TTL: variants seen among roughly 807,000 people sequenced by gnomAD.
TTL encodes tubulin--tyrosine ligase.
In TTL, 10 loss-of-function variants were observed where a neutral mutation model predicts 41.1. The observed-to-expected ratio is 0.24, with a 90% CI of 0.15 to 0.41. The LOEUF (loss-of-function observed/expected upper bound fraction) is 0.41, where lower values mean the gene tolerates loss of function less well. Among genes scored for constraint, TTL ranks in the 10% least tolerant of loss-of-function variants. The probability of loss-of-function intolerance (pLI) is 1.00; values close to 1 mark genes in which losing one functional copy is unlikely to be tolerated. For missense variants in TTL, 367 were observed against 460.4 expected (o/e 0.80, Z 1.86); for synonymous variants, 175 against 175.5 (o/e 1.00, Z 0.02).
At chr2:112,488,361 A>G (rs1681296110) in intron 2 of TTL, among the ~76,000 whole-genome samples, 1 of 152,258 alleles carries the variant, frequency 6.6e-6, no homozygotes, top group Non-Finnish European at 1.5e-5. Context: ...GAGGGCTTCC[A>G]AACCAAGGTC....
intron 1 of TTL, chr2:112,483,480 C>T (rs749608278): frequency 1.3e-5 from 2 of 152,214 alleles, no homozygotes; most frequent in African/African-American, 2.4e-5. Flanking sequence ...CAATTGTATT[C>T]CAAAGACAAG....
chr2:112,512,693 G>A (rs569720729), intron 5 of TTL, among the ~76,000 whole-genome samples: 37 of 152,242 alleles, frequency 2.4e-4, no homozygotes, highest in African/African-American at 8.2e-4. Flanking sequence ...CATCTCGCCC[G>A]GCCCTGTATT....
chr2:112,487,669 G>A (rs866815845), intron 2 of TTL, among the ~76,000 whole-genome samples: 1 of 152,170 alleles, frequency 6.6e-6, no homozygotes, highest in Non-Finnish European at 1.5e-5. Flanking sequence ...GATGGATGGT[G>A]GTGACAGTAC....
At chr2:112,526,004 G>T (rs1407529920) in intron 6 of TTL, among the ~76,000 whole-genome samples, 2 of 152,010 alleles carry the variant, frequency 1.3e-5, no homozygotes, top group Non-Finnish European at 1.5e-5. Flanking sequence ...GAAGGTTGTT[G>T]AATTTTGTCA....
chr2:112,504,052 G>T, intron 5 of TTL, among the ~76,000 whole-genome samples: 1 of 64,694 alleles, frequency 1.5e-5, no homozygotes, highest in African/African-American at 5.7e-5. Context: ...CTATGAGTGA[G>T]AATATGCGGT....
In TTL at chr2:112,531,951, A is replaced by G. The variant is rs980385293; in HGVS notation, c.*3156A>G. 11 of 225,552 alleles carry G rather than the reference A, an allele frequency of 4.9e-5. No homozygotes were observed. The highest frequency in any genetic ancestry group is 2.4e-4 in the African/African-American group (11 of 44,900). 14.0% of individuals were successfully genotyped at this position (225,552 alleles called of 1,614,324 possible). ...TTGAAAGTCCCTTTCCCCAAAACTC[A>G]ACTCCTATGGCAATTATGAACTCCA... On this transcript the variant is annotated 3_prime_UTR_variant, in exon 7 of 7. Transcript: ENST00000233336.
At chr2:112,510,461 T>C (rs1025208470) in intron 5 of TTL, among the ~76,000 whole-genome samples, 4 of 152,086 alleles carry the variant, frequency 2.6e-5, no homozygotes, top group Admixed American at 6.6e-5. Flanking sequence ...GTTTAAATAA[T>C]TGATTTGAGA....
In TTL at chr2:112,531,820, C is replaced by T; in HGVS notation, c.*3025C>T. The T allele has an allele frequency of 4.5e-6, 1 of 223,136 alleles. No homozygotes were observed. The highest frequency in any genetic ancestry group is 6.5e-5 in the East Asian group (1 of 15,276). The allele number at this position is 223,136 out of a possible 1,614,324, so 13.8% of individuals were successfully genotyped here. A position where few individuals can be genotyped will look rare whatever the true frequency, so the allele number is the denominator to read the frequency against. ...TGCTTGTCATAGCAGCATTTGGAAA[C>T]TCAAACATGCTTTCATTTACATAAA... On this transcript the variant is annotated 3_prime_UTR_variant, in exon 7 of 7. Coordinates refer to ENST00000233336, the MANE Select transcript of TTL (RefSeq NM_153712.5).
At chr2:112,491,186 T>A (rs1472714173) in intron 2 of TTL, among the ~76,000 whole-genome samples, 1 of 151,814 alleles carries the variant, frequency 6.6e-6, no homozygotes, top group African/African-American at 2.4e-5. Flanking sequence ...AGAGATAGGG[T>A]TTCACCGCGT....
chr2:112,529,185 C>T lies in TTL; in HGVS notation c.*390C>T, dbSNP rs935962994. Reference sequence around the variant, plus strand: ...CCACTGCTCTGGACTATGGATTGGACGTCAGAGCATATTGGAGGTTGCCTG... The same window carrying T: ...CCACTGCTCTGGACTATGGATTGGATGTCAGAGCATATTGGAGGTTGCCTG... On this transcript the variant is annotated 3_prime_UTR_variant, in exon 7 of 7. Transcript: ENST00000233336. 1.9e-5 allele frequency: 6 copies of T among 318,924 alleles called. No individual in the cohort carries two copies. The highest frequency in any genetic ancestry group is 9.6e-5 in the East Asian group (2 of 20,800). The allele number at this position is 318,924 out of a possible 1,614,324, so 19.8% of individuals were successfully genotyped here.
intron 5 of TTL, among the ~76,000 whole-genome samples, chr2:112,513,865 A>C (rs1681995665): frequency 6.6e-6 from 1 of 152,164 alleles, no homozygotes; most frequent in Non-Finnish European, 1.5e-5. Flanking sequence ...TATCCCTAGA[A>C]GGAAGGCAGA....
At chr2:112,498,044 C>G (rs1681583763) in intron 3 of TTL, among the ~76,000 whole-genome samples, 1 of 152,190 alleles carries the variant, frequency 6.6e-6, no homozygotes, top group Non-Finnish European at 1.5e-5. Flanking sequence ...AACTACTTAG[C>G]TGGGCGCAGT....
rs143570700 is a variant in TTL, at chr2:112,486,197, A to G, written c.236+202A>G. On this transcript the variant is annotated intron_variant, in intron 2 of 6. Transcript: ENST00000233336. ...TCTGCCTCTGAGGTGAGGCTCCTAG[A>G]AGCAGAGCCTGACTCAGGGTCTCCT... is the stretch of plus-strand genomic sequence containing the variant. 3.7e-3 allele frequency among the ~76,000 whole-genome samples: 570 copies of G among 152,346 alleles called. 3 individuals carry two copies. The highest frequency in any genetic ancestry group is 0.013 in the African/African-American group (541 of 41,574).
chr2:112,501,887 C>A (rs528613395), intron 4 of TTL, among the ~76,000 whole-genome samples: 1,718 of 145,360 alleles, frequency 0.012, 28 homozygotes, highest in African/African-American at 0.034. Context: ...AAAAAAAAAT[C>A]TTTTCTATAA....
In TTL at chr2:112,482,422, C is replaced by T; in HGVS notation, c.78C>T (p.His26=). The T allele has an allele frequency of 1.2e-5, 19 of 1,610,128 alleles. No homozygotes were observed. Among genetic ancestry groups the T allele is most frequent in the Non-Finnish European group, 1.6e-5 (19 of 1,178,732 alleles). ...EVSRLLLATG[H]WKRLRRDNPR... ...CCCGGCTGCTCCTCGCCACCGGCCACTGGAAGAGGCTGCGGCGAGACAACC... is the reference window on the plus strand; with the variant it reads ...CCCGGCTGCTCCTCGCCACCGGCCATTGGAAGAGGCTGCGGCGAGACAACC... Residue 26 remains histidine (H), a synonymous_variant, in exon 1 of 7, where the codon CAC becomes CAT. Transcript: ENST00000233336. The surrounding 1 kb of genome is among the most constrained non-coding windows in gnomAD (Gnocchi z 5.3).
At chr2:112,513,182 A>G (rs890220624) in intron 5 of TTL, among the ~76,000 whole-genome samples, 1 of 152,074 alleles carries the variant, frequency 6.6e-6, no homozygotes. Flanking sequence ...ACAGTTTTAT[A>G]TATATATTTG....
At chr2:112,502,159 C>G (rs1445508499) in intron 4 of TTL, among the ~76,000 whole-genome samples, 2 of 152,178 alleles carry the variant, frequency 1.3e-5, no homozygotes, top group Non-Finnish European at 2.9e-5. Context: ...CCCTCCCTCT[C>G]CAACTTACCC....
chr2:112,525,839 G>A (rs1204825542), intron 6 of TTL, among the ~76,000 whole-genome samples: 8 of 152,202 alleles, frequency 5.3e-5, no homozygotes, highest in Admixed American at 5.2e-4. Flanking sequence ...TAGGAGTGGT[G>A]AGAGAGGGCA....
At chr2:112,524,125 C>T (rs1023150789) in intron 6 of TTL, among the ~76,000 whole-genome samples, 4 of 152,162 alleles carry the variant, frequency 2.6e-5, no homozygotes, top group African/African-American at 9.7e-5. Flanking sequence ...GACATGAACT[C>T]GTCCTTTCTT....
Sources: gnomAD v4.1 joint callset for allele counts (sites outside exome capture counted in the v4.1 genomes callset) on GRCh38, gnomAD v4.1.1 for gene constraint, Gnocchi (gnomAD v3.1) non-coding constraint, MANE v1.5 for transcripts, NCBI Gene and HGNC (gene_info 2026-07-23, HGNC 2026-07-21) for gene names.